Variants in PHF8 observed in about 807,000 individuals in gnomAD.
The protein encoded by PHF8 is histone lysine demethylase PHF8.
In PHF8, 9 loss-of-function variants were observed where a neutral mutation model predicts 74.4. The ratio of observed to expected loss-of-function variants is 0.12; its 90% CI spans 0.07 to 0.21. The LOEUF is 0.21. Ranked by LOEUF, PHF8 falls within the 10% of genes least tolerant of loss-of-function variation. The probability of loss-of-function intolerance (pLI) is 1.00; values close to 1 mark genes in which losing one functional copy is unlikely to be tolerated. For missense variants in PHF8, 478 were observed against 816.6 expected (o/e 0.59, Z 5.05); for synonymous variants, 311 against 316.6 (o/e 0.98, Z 0.19).
chrX:53,979,397 A>G (rs1263961599), intron 18 of PHF8, among the ~76,000 whole-genome samples: 8 of 111,353 alleles, frequency 7.2e-5, no homozygotes, highest in African/African-American at 2.3e-4. Context: ...TAAATAAATA[A>G]AATAAAAATA....
At chrX:53,990,168 T>A (rs2065636069) in intron 14 of PHF8, among the ~76,000 whole-genome samples, 1 of 111,595 alleles carries the variant, frequency 9.0e-6, no homozygotes, top group Non-Finnish European at 1.9e-5. Flanking sequence ...TTTAAAAAAA[T>A]TTTAAAGAAA....
Position 54,044,430 on chromosome X carries a change from G to A in PHF8, c.-761C>T. On this transcript the variant is annotated 5_prime_UTR_variant, in exon 1 of 22. Transcript: ENST00000338154. ...ATGTTGAGAGTGGCGGCGCTACCCA[G>A]ACAACCAAGGCGACCGCCATCTTAT... The A allele has an allele frequency of 2.7e-6, 2 of 753,434 alleles. No homozygotes were observed. Among genetic ancestry groups the A allele is most frequent in the Non-Finnish European group, 3.1e-6 (2 of 637,953 alleles). The allele number at this position is 753,434 out of a possible 1,213,427, so 62.1% of individuals were successfully genotyped here.
At chrX:54,003,659 G>A (rs1209550240) in intron 8 of PHF8, among the ~76,000 whole-genome samples, 3 of 111,555 alleles carry the variant, frequency 2.7e-5, no homozygotes, top group Non-Finnish European at 5.7e-5. Flanking sequence ...CACTGCACCC[G>A]GCCTATATTG....
intron 20 of PHF8, among the ~76,000 whole-genome samples, chrX:53,943,600 C>A (rs782167157): frequency 1.8e-5 from 2 of 111,848 alleles, no homozygotes; most frequent in South Asian, 7.5e-4. Flanking sequence ...AAGCACATTA[C>A]GCACATTAAA....
chrX:53,973,950 AAAC>A (rs1487637895), intron 18 of PHF8, among the ~76,000 whole-genome samples: 1 of 111,292 alleles, frequency 9.0e-6, no homozygotes, highest in Non-Finnish European at 1.9e-5. Flanking sequence ...ATTTATAAGA[AAAC>A]AACCCCACTA....
intron 8 of PHF8, among the ~76,000 whole-genome samples, chrX:54,004,785 C>T (rs1461203913): frequency 9.2e-6 from 1 of 108,699 alleles, no homozygotes; most frequent in African/African-American, 3.4e-5. Flanking sequence ...AAAAATTAGC[C>T]GGGCATGGTG....
In PHF8 at chrX:53,938,742, A is replaced by G; in HGVS notation, c.*416T>C. 1 of 766,125 alleles carries G rather than the reference A, an allele frequency of 1.3e-6. No individual in the cohort carries two copies. Among genetic ancestry groups the G allele is most frequent in the Non-Finnish European group, 1.5e-6 (1 of 647,455 alleles). The allele number at this position is 766,125 out of a possible 1,213,427, so 63.1% of individuals were successfully genotyped here. On this transcript the variant is annotated 3_prime_UTR_variant, in exon 22 of 22. Coordinates refer to ENST00000338154, the MANE Select transcript of PHF8 (RefSeq NM_015107.3). ...GGTGGAGGTGGGCAGGCTTCTGGAT[A>G]TAGGGCTAGAGTTGCAGAAAGTGTC...
At chrX:53,958,958 A>T (rs2065059961) in intron 19 of PHF8, among the ~76,000 whole-genome samples, 1 of 110,304 alleles carries the variant, frequency 9.1e-6, no homozygotes, top group Non-Finnish European at 1.9e-5. Context: ...ACATTTACAT[A>T]TAAAGATATT....
chrX:53,989,335 GA>G (rs1242397495), intron 14 of PHF8, among the ~76,000 whole-genome samples: 3 of 107,033 alleles, frequency 2.8e-5, no homozygotes, highest in South Asian at 3.9e-4. Flanking sequence ...TAGTCAAGAA[GA>G]AAAAAAAAAT....
chrX:53,963,938 A>G (rs2065141279), intron 18 of PHF8, among the ~76,000 whole-genome samples: 1 of 112,100 alleles, frequency 8.9e-6, no homozygotes, highest in South Asian at 3.7e-4. Flanking sequence ...ATGCACACGT[A>G]TGTTTATTGC....
At chrX:53,999,307 CAT>C (rs782495533) in intron 11 of PHF8, among the ~76,000 whole-genome samples, 1 of 112,320 alleles carries the variant, frequency 8.9e-6, no homozygotes, top group Non-Finnish European at 1.9e-5. Flanking sequence ...ACAGTAAACA[CAT>C]GTTTTCAGCT....
At chrX:53,967,373 AGCCCCCCGCCCGGCCAGCCGCCCCG>A (rs2065221267) in intron 18 of PHF8, among the ~76,000 whole-genome samples, 1 of 95,642 alleles carries the variant, frequency 1.0e-5, no homozygotes, top group African/African-American at 4.0e-5. Flanking sequence ...GTGGGGGGTC[AGCCCCCCGCCCGGCCAGCCGCCCCG>A]TCCGGGAGGT....
At chrX:53,966,830 C>T (rs1473367596) in intron 18 of PHF8, among the ~76,000 whole-genome samples, 1 of 109,837 alleles carries the variant, frequency 9.1e-6, no homozygotes, top group East Asian at 3.0e-4. Context: ...AAGTGAGGAG[C>T]GTCTCTGCCC....
chrX:54,038,907 T>G (rs1266987652), intron 2 of PHF8, among the ~76,000 whole-genome samples: 1 of 110,761 alleles, frequency 9.0e-6, no homozygotes, highest in African/African-American at 3.3e-5. Context: ...GAGGTCAAGG[T>G]GGGTGGATCA....
chrX:53,968,420 G>A (rs2065244641), intron 18 of PHF8, among the ~76,000 whole-genome samples: 1 of 112,027 alleles, frequency 8.9e-6, no homozygotes. Context: ...TAATGAGACT[G>A]AAGCAGTAAT....
Position 54,002,660 on chromosome X carries a change from C to T in PHF8, c.969G>A (p.Thr323=), listed in dbSNP as rs1457577158. The T allele has an allele frequency of 3.3e-6, 4 of 1,201,972 alleles. No individual in the cohort carries two copies. Among genetic ancestry groups the T allele is most frequent in the Middle Eastern group, 2.3e-4 (1 of 4,330 alleles). The part of the protein sequence containing the change: ...IPTGWIHAVL[T]PVDCLAFGGN... ...CTCCAAAGGCAAGGCAGTCCACAGGCGTCAGCACAGCATGGATCCACCCTG... is the reference window on the plus strand; with the variant it reads ...CTCCAAAGGCAAGGCAGTCCACAGGTGTCAGCACAGCATGGATCCACCCTG... The change falls in exon 9 of 22, where the codon ACG becomes ACA. Residue 323 remains threonine, a synonymous_variant. Coordinates refer to ENST00000338154, the MANE Select transcript of PHF8 (RefSeq NM_015107.3).
intron 3 of PHF8, among the ~76,000 whole-genome samples, 162 bp downstream of exon 3, chrX:54,022,596 T>C (rs2066197707): frequency 8.9e-6 from 1 of 111,741 alleles, no homozygotes; most frequent in African/African-American, 3.3e-5. Flanking sequence ...TCTGTCCTCT[T>C]AGTGAGATAG....
Position 53,940,402 on chromosome X carries a change from C to A in PHF8, c.2764G>T (p.Val922Leu). Residue 922 changes from valine to leucine, a missense_variant, in exon 21 of 22, where the codon GTG (valine) becomes TTG (leucine). By Grantham distance (32) the Val-to-Leu change is conservative. Transcript: ENST00000338154. Reference protein sequence around the residue: ...NLSLTVPAPTVAATPQLVTSS... With the variant: ...NLSLTVPAPTLAATPQLVTSS... ...GTGACAAGTTGTGGTGTGGCAGCCA[C>A]AGTGGGGGCTGGTACTGTCAGACTG... is the stretch of plus-strand genomic sequence containing the variant. 1 of 1,208,711 alleles carries A rather than the reference C, an allele frequency of 8.3e-7. No homozygotes were observed. Among genetic ancestry groups the A allele is most frequent in the Non-Finnish European group, 1.1e-6 (1 of 893,190 alleles).
At chrX:53,993,511 G>T in intron 13 of PHF8, 90 bp downstream of exon 13, 1 of 771,429 alleles carries the variant, frequency 1.3e-6, no homozygotes, top group Non-Finnish European at 2.0e-6. Context: ...AAGGGACATG[G>T]CAGCCAGACA....
Sources: gnomAD v4.1 joint callset for allele counts (sites outside exome capture counted in the v4.1 genomes callset) on GRCh38, gnomAD v4.1.1 for gene constraint, MANE v1.5 for transcripts, NCBI Gene and HGNC (gene_info 2026-07-23, HGNC 2026-07-21) for gene names.